Variants in ITGA8 observed in about 807,000 individuals in gnomAD.
The protein encoded by ITGA8 is integrin alpha-8.
In ITGA8, 91 loss-of-function variants were observed where a neutral mutation model predicts 142.3. The ratio of observed to expected loss-of-function variants is 0.64; its 90% CI spans 0.54 to 0.76. The LOEUF (loss-of-function observed/expected upper bound fraction) is 0.76, where lower values mean the gene tolerates loss of function less well. Among genes scored for constraint, ITGA8 ranks in the 30% least tolerant of loss-of-function variants. The pLI is 0.00. For synonymous variants in ITGA8, 505 were observed against 485.2 expected (o/e 1.04, Z -0.54); for missense variants, 1,406 against 1,327.7 (o/e 1.06, Z -0.92).
chr10:15,711,656 C>A (rs186018222), intron 2 of ITGA8, among the ~76,000 whole-genome samples: 3 of 151,988 alleles, frequency 2.0e-5, no homozygotes, highest in Admixed American at 6.6e-5. Flanking sequence ...CAACCTCCCC[C>A]CCAAAAGATT....
intron 26 of ITGA8, among the ~76,000 whole-genome samples, chr10:15,555,701 CTT>C (rs36008836): frequency 3.2e-4 from 46 of 145,546 alleles, no homozygotes; most frequent in South Asian, 4.4e-4. Flanking sequence ...TCCACCTTCC[CTT>C]TTTTTTTTTT....
chr10:15,588,383 C>T (rs534689419), intron 22 of ITGA8, among the ~76,000 whole-genome samples: 1 of 152,290 alleles, frequency 6.6e-6, no homozygotes, highest in South Asian at 2.1e-4. Context: ...GCTTAAGGGA[C>T]TTGTTCACCA....
chr10:15,650,713 T>C (rs1270178395), intron 11 of ITGA8, among the ~76,000 whole-genome samples: 1 of 152,234 alleles, frequency 6.6e-6, no homozygotes, highest in Non-Finnish European at 1.5e-5. Flanking sequence ...ATAGAAACTT[T>C]TCTGTTTCTT....
At chr10:15,521,378 T>C (rs1833066128) in intron 28 of ITGA8, among the ~76,000 whole-genome samples, 2 of 152,146 alleles carry the variant, frequency 1.3e-5, no homozygotes, top group African/African-American at 4.8e-5. Context: ...TCTCAGCTTG[T>C]CTTGGTTTTT....
At chr10:15,555,437 T>C (rs959665208) in intron 26 of ITGA8, among the ~76,000 whole-genome samples, 1 of 152,162 alleles carries the variant, frequency 6.6e-6, no homozygotes, top group African/African-American at 2.4e-5. Context: ...AAAAAAAACA[T>C]GCCACCTACC....
At chr10:15,657,763 A>T (rs1318116848) in intron 10 of ITGA8, among the ~76,000 whole-genome samples, 1 of 152,144 alleles carries the variant, frequency 6.6e-6, no homozygotes, top group Non-Finnish European at 1.5e-5. Flanking sequence ...TTAGTTTTAA[A>T]TGTATTACTT....
intron 8 of ITGA8, among the ~76,000 whole-genome samples, chr10:15,663,809 A>G (rs1834335108): frequency 6.6e-6 from 1 of 152,122 alleles, no homozygotes; most frequent in Non-Finnish European, 1.5e-5. Context: ...AGCTCAAGCA[A>G]TTCTCCCACC....
chr10:15,659,070 A>G lies in ITGA8; in HGVS notation c.892-15T>C, dbSNP rs747899961. ...ATGATGGAAACCTGAAATCACAGAA[A>G]TTAAACAGGTTACACCATTTGCCAT... is the stretch of plus-strand genomic sequence containing the variant. On this transcript the variant is annotated splice_polypyrimidine_tract_variant and intron_variant, in intron 9 of 29. Transcript: ENST00000378076. The G allele has an allele frequency of 6.3e-7, 1 of 1,591,264 alleles. No homozygotes were observed. The highest frequency in any genetic ancestry group is 2.2e-5 in the East Asian group (1 of 44,544).
In ITGA8 at chr10:15,572,360, T is replaced by C. The variant is rs1834201961; in HGVS notation, c.2488A>G (p.Ile830Val). Residue 830 changes from isoleucine to valine, a missense_variant, in exon 25 of 30, where the codon ATT becomes GTT. Ile to Val is a conservative substitution (Grantham distance 29, BLOSUM62 3). Coordinates refer to ENST00000378076, the MANE Select transcript of ITGA8 (RefSeq NM_003638.3). The part of the protein sequence containing the change: ...LVEHIYELHN[I>V]GPSTISDTIL... ...GTGTCACTGATGGTACTTGGTCCAA[T>C]ATTGTGCAGCTGTAAACAAGTGACA... The C allele has an allele frequency of 1.2e-6, 2 of 1,613,802 alleles. No homozygotes were observed. The highest frequency in any genetic ancestry group is 1.3e-5 in the African/African-American group (1 of 74,902).
chr10:15,575,725 A>G, intron 23 of ITGA8, 131 bp from the exon 24 acceptor site: 1 of 647,860 alleles, frequency 1.5e-6, no homozygotes, highest in Non-Finnish European at 2.8e-6. Context: ...CCCTACAGGG[A>G]AAAATATTGA....
At chr10:15,671,727 G>GCATGTAAAGTTTTTT in intron 7 of ITGA8, 80 bp from the exon 8 acceptor site, 1 of 1,074,534 alleles carries the variant, frequency 9.3e-7, no homozygotes. Context: ...AGGTGAAAGG[G>GCATGTAAAGTTTTTT]CTACCATGGT....
At chr10:15,695,269 T>G (rs931972657) in intron 2 of ITGA8, among the ~76,000 whole-genome samples, 1 of 152,186 alleles carries the variant, frequency 6.6e-6, no homozygotes, top group Non-Finnish European at 1.5e-5. Flanking sequence ...CAGGTCTCTA[T>G]GTACTGAGAC....
Position 15,531,458 on chromosome 10 carries a change from C to G in ITGA8, c.2881-307G>C, listed in dbSNP as rs146520825. On this transcript the variant is annotated intron_variant, in intron 27 of 29. Transcript: ENST00000378076. ...CTTCCTATTTCTAAGGAGAATTTATCTCATTAATAAAAGACTGTGTATAAT... is the reference window on the plus strand; with the variant it reads ...CTTCCTATTTCTAAGGAGAATTTATGTCATTAATAAAAGACTGTGTATAAT... 6.3e-3 allele frequency among the ~76,000 whole-genome samples: 953 copies of G among 152,250 alleles called. 9 individuals are homozygous for G. The highest frequency in any genetic ancestry group is 0.022 in the African/African-American group (926 of 41,534).
At chr10:15,655,558 A>C in intron 10 of ITGA8, 152 bp from the exon 11 acceptor site, 1 of 635,862 alleles carries the variant, frequency 1.6e-6, no homozygotes, top group Non-Finnish European at 2.8e-6. Flanking sequence ...TTTTTGCCTC[A>C]TTTAGTCTAA....
At chr10:15,578,848 C>T (rs1031646597) in intron 23 of ITGA8, among the ~76,000 whole-genome samples, 1 of 152,110 alleles carries the variant, frequency 6.6e-6, no homozygotes, top group South Asian at 2.1e-4. Flanking sequence ...GTTTACTTCT[C>T]ACAGACATGT....
chr10:15,667,777 C>G (rs911073652), intron 8 of ITGA8, among the ~76,000 whole-genome samples: 1 of 151,772 alleles, frequency 6.6e-6, no homozygotes, highest in Admixed American at 6.6e-5. Context: ...TCGTTGTGTA[C>G]CCAGTAGTCA....
chr10:15,718,754 A>C lies in ITGA8; in HGVS notation c.343+12T>G, dbSNP rs770663444. On this transcript the variant is annotated intron_variant, in intron 2 of 29. Coordinates refer to ENST00000378076, the MANE Select transcript of ITGA8 (RefSeq NM_003638.3). ...CCCAGGCCCACAGCTTAGAAGGACA[A>C]ATCTCACTTACTGGTGGTGTCAAAC... The C allele has an allele frequency of 3.1e-6, 5 of 1,613,462 alleles. No individual in the cohort carries two copies. Among genetic ancestry groups the C allele is most frequent in the Non-Finnish European group, 4.2e-6 (5 of 1,179,530 alleles).
intron 2 of ITGA8, among the ~76,000 whole-genome samples, chr10:15,691,036 G>A (rs945180018): frequency 6.6e-6 from 1 of 152,172 alleles, no homozygotes; most frequent in East Asian, 1.9e-4. Context: ...AAAGGGCCTG[G>A]ACAGATATTT....
At chr10:15,549,826 CA>C (rs1298171332) in intron 26 of ITGA8, among the ~76,000 whole-genome samples, 1 of 152,180 alleles carries the variant, frequency 6.6e-6, no homozygotes. Flanking sequence ...GAACATTTTT[CA>C]AGATCCTCAG....
Sources: allele counts gnomAD v4.1 joint callset (sites outside exome capture counted in the v4.1 genomes callset), GRCh38; gene constraint gnomAD v4.1.1; transcripts MANE v1.5; gene names NCBI Gene and HGNC (gene_info 2026-07-23, HGNC 2026-07-21).